Variants in ROR1 observed in about 807,000 individuals in gnomAD.
ROR1 encodes the protein inactive tyrosine-protein kinase transmembrane receptor ROR1.
ROR1 carries 19 observed loss-of-function variants against 78.8 expected under a neutral mutation model. The ratio of observed to expected loss-of-function variants is 0.24; its 90% CI spans 0.17 to 0.35. The LOEUF (loss-of-function observed/expected upper bound fraction) is 0.35. ROR1 is among the 10% of genes least tolerant of loss of function. The pLI, the probability that ROR1 is intolerant of heterozygous loss-of-function variation, is 1.00. For synonymous variants in ROR1, 386 were observed against 433.6 expected (o/e 0.89, Z 1.36); for missense variants, 917 against 1,177.8 (o/e 0.78, Z 3.24).
At chr1:63,781,745 A>T (rs1294179605) in intron 1 of ROR1, among the ~76,000 whole-genome samples, 1 of 152,172 alleles carries the variant, frequency 6.6e-6, no homozygotes, top group Non-Finnish European at 1.5e-5. Flanking sequence ...TGCTATAGTT[A>T]TGTAGCCAGT....
chr1:63,899,063 T>A (rs1211554477), intron 1 of ROR1, among the ~76,000 whole-genome samples: 1 of 151,818 alleles, frequency 6.6e-6, no homozygotes, highest in Non-Finnish European at 1.5e-5. Flanking sequence ...CAGGACCTGC[T>A]TCTTCAAGCC....
chr1:64,118,983 C>T (rs1316001127), intron 4 of ROR1, among the ~76,000 whole-genome samples: 1 of 152,198 alleles, frequency 6.6e-6, no homozygotes, highest in East Asian at 1.9e-4. Flanking sequence ...CATCGTGTGT[C>T]AGCCAGCCTC....
intron 8 of ROR1, among the ~76,000 whole-genome samples, chr1:64,168,339 G>A (rs192900313): frequency 1.3e-4 from 20 of 152,274 alleles, no homozygotes; most frequent in African/African-American, 4.8e-4. Flanking sequence ...TATGTGTAAA[G>A]TACTTACAGC....
At chr1:64,057,310 T>C (rs570659872) in intron 4 of ROR1, among the ~76,000 whole-genome samples, 1 of 152,334 alleles carries the variant, frequency 6.6e-6, no homozygotes, top group African/African-American at 2.4e-5. Flanking sequence ...CAATTAAACA[T>C]GTGTCTATGT....
Position 63,774,195 on chromosome 1 carries a change from G to A in ROR1, c.-223G>A. ...GGGACTGACCCGCCGGCCCAGGCGAGGCTGCAGCCAGAGGGCTGGGAAGGG... is the reference window on the plus strand; with the variant it reads ...GGGACTGACCCGCCGGCCCAGGCGAAGCTGCAGCCAGAGGGCTGGGAAGGG... On this transcript the variant is annotated 5_prime_UTR_variant, in exon 1 of 9. Coordinates refer to ENST00000371079, the MANE Select transcript of ROR1 (RefSeq NM_005012.4). The surrounding 1 kb of genome is among the most constrained non-coding windows in gnomAD (Gnocchi z 5.7). 1 of 233,638 alleles carries A rather than the reference G, an allele frequency of 4.3e-6. No homozygotes were observed. Among genetic ancestry groups the A allele is most frequent in the Non-Finnish European group, 8.2e-6 (1 of 122,234 alleles). 14.5% of individuals were successfully genotyped at this position (233,638 alleles called of 1,614,324 possible).
At chr1:64,120,112 G>A (rs1005147886) in intron 4 of ROR1, among the ~76,000 whole-genome samples, 8 of 152,194 alleles carry the variant, frequency 5.3e-5, no homozygotes, top group East Asian at 1.9e-4. Context: ...GGGCCTCCAC[G>A]TAGGGAACTC....
intron 1 of ROR1, among the ~76,000 whole-genome samples, chr1:63,850,585 A>G (rs1024018978): frequency 1.7e-4 from 26 of 152,194 alleles, no homozygotes; most frequent in Non-Finnish European, 7.3e-5. Context: ...CACAGTTTGG[A>G]TGTATAAAGA....
intron 1 of ROR1, among the ~76,000 whole-genome samples, chr1:63,884,123 G>A (rs1645341261): frequency 6.6e-6 from 1 of 152,124 alleles, no homozygotes. Context: ...CAGAGTGGCT[G>A]GTCTCATTCT....
intron 1 of ROR1, among the ~76,000 whole-genome samples, chr1:63,990,004 T>C (rs1374606336): frequency 6.6e-6 from 1 of 152,182 alleles, no homozygotes; most frequent in East Asian, 1.9e-4. Flanking sequence ...TAATTTCAAA[T>C]TTTCTCCATT....
At chr1:64,115,139 T>C (rs7546975) in intron 4 of ROR1, among the ~76,000 whole-genome samples, 20,386 of 151,878 alleles carry the variant, frequency 0.13, 1,519 homozygotes, top group African/African-American at 0.18. Context: ...GATTTTTTCA[T>C]TGAAGTGATT....
chr1:64,093,804 A>C (rs897181757), intron 4 of ROR1, among the ~76,000 whole-genome samples: 1 of 152,112 alleles, frequency 6.6e-6, no homozygotes. Context: ...ACCCCTCTCT[A>C]ATTTATTATG....
At chr1:63,916,411 A>C (rs1645610130) in intron 1 of ROR1, among the ~76,000 whole-genome samples, 1 of 152,180 alleles carries the variant, frequency 6.6e-6, no homozygotes, top group African/African-American at 2.4e-5. Flanking sequence ...ATAACATGGT[A>C]ATAGGAGATA....
intron 7 of ROR1, among the ~76,000 whole-genome samples, chr1:64,150,091 T>TA (rs1649580060): frequency 6.6e-6 from 1 of 152,226 alleles, no homozygotes; most frequent in Non-Finnish European, 1.5e-5. Flanking sequence ...CATGGGCCTT[T>TA]GTTTTACCCT....
At chr1:64,083,370 G>A (rs57094846) in intron 4 of ROR1, among the ~76,000 whole-genome samples, 21,344 of 152,100 alleles carry the variant, frequency 0.14, 1,583 homozygotes, top group Middle Eastern at 0.2. Context: ...ATTATTTCAG[G>A]GAAAGAATGA....
chr1:63,853,901 A>C (rs1645132109), intron 1 of ROR1, among the ~76,000 whole-genome samples: 1 of 152,176 alleles, frequency 6.6e-6, no homozygotes, highest in African/African-American at 2.4e-5. Flanking sequence ...ACTCTAAGAG[A>C]TGGATAAAAA....
intron 1 of ROR1, among the ~76,000 whole-genome samples, chr1:63,973,861 A>T (rs928226438): frequency 6.6e-6 from 1 of 152,234 alleles, no homozygotes; most frequent in Non-Finnish European, 1.5e-5. Flanking sequence ...ATTTCTTACA[A>T]CATGCCTATG....
chr1:64,161,079 A>G (rs905492523), intron 8 of ROR1, among the ~76,000 whole-genome samples: 3 of 152,236 alleles, frequency 2.0e-5, no homozygotes, highest in Admixed American at 2.0e-4. Context: ...GCATAAATAG[A>G]AAAAAGGCTA....
Position 64,179,022 on chromosome 1 carries a change from C to CAA in ROR1, c.*168_*169insAA. 1.1e-4 allele frequency: 17 copies of CAA among 156,450 alleles called. No individual in the cohort carries two copies. Among genetic ancestry groups the CAA allele is most frequent in the South Asian group, 9.3e-4 (4 of 4,304 alleles). 9.7% of individuals were successfully genotyped at this position (156,450 alleles called of 1,614,324 possible). On this transcript the variant is annotated 3_prime_UTR_variant, in exon 9 of 9. Coordinates refer to ENST00000371079, the MANE Select transcript of ROR1 (RefSeq NM_005012.4). ...TTACCAAGCAGGACAGACACTCGGC[C>CAA]AGAAAAAAAAAAAAAAAAAAAAAAC...
chr1:64,113,447 G>C (rs1648191455), intron 4 of ROR1, among the ~76,000 whole-genome samples: 1 of 152,176 alleles, frequency 6.6e-6, no homozygotes, highest in South Asian at 2.1e-4. Context: ...CCATTGTACA[G>C]ATGAGGAAGC....
Sources: gnomAD v4.1 joint callset for allele counts (sites outside exome capture counted in the v4.1 genomes callset) on GRCh38, gnomAD v4.1.1 for gene constraint, Gnocchi (gnomAD v3.1) non-coding constraint, MANE v1.5 for transcripts, NCBI Gene and HGNC (gene_info 2026-07-23, HGNC 2026-07-21) for gene names.